Variants in OR1L8 observed in about 807,000 individuals in gnomAD.
The protein encoded by OR1L8 is olfactory receptor 1L8.
For synonymous variants in OR1L8, 148 were observed against 147.0 expected (o/e 1.01, Z -0.05); for missense variants, 330 against 377.4 (o/e 0.87, Z 1.04).
At chr9:122,581,344 G>T (rs534443142) in intron 1 of OR1L8, among the ~76,000 whole-genome samples, 6 of 151,458 alleles carry the variant, frequency 4.0e-5, no homozygotes, top group African/African-American at 1.5e-4. Context: ...CCAGCCTGGC[G>T]ACAGAGCAAG....
intron 3 of OR1L8, 99 bp downstream of exon 3, chr9:122,576,666 TG>T (rs1829662990): frequency 6.6e-6 from 1 of 152,222 alleles, no homozygotes; most frequent in Admixed American, 6.6e-5. Flanking sequence ...CAACAGTGTG[TG>T]GGCCTTTCTA....
In OR1L8 at chr9:122,568,011, T is replaced by C; in HGVS notation, c.467A>G (p.His156Arg). The C allele has an allele frequency of 6.2e-7, 1 of 1,612,792 alleles. No homozygotes were observed. Reference protein sequence around the residue: ...VAFSCSFPHLHSLLHTLLLNR... With the variant: ...VAFSCSFPHLRSLLHTLLLNR... ...CAGCAGAAGTGTGTGCAGGAGTGAG[T>C]GGAGGTGAGGAAATGAGCAGGAGAA... The change falls in exon 5 of 5, where the codon CAC becomes CGC. Residue 156 changes from histidine to arginine, a missense_variant. His to Arg is a conservative substitution (Grantham distance 29). Coordinates refer to ENST00000641027, the MANE Select transcript of OR1L8 (RefSeq NM_001004454.2).
chr9:122,558,331 T>C, the OR1L8 span, among the ~76,000 whole-genome samples: 1 of 143,272 alleles, frequency 7.0e-6, no homozygotes, highest in Non-Finnish European at 1.5e-5. Context: ...TTTTTTTTTT[T>C]TTTTTTTGCA....
chr9:122,553,639 T>C, the OR1L8 span: 3 of 1,614,042 alleles, frequency 1.9e-6, no homozygotes, highest in Non-Finnish European at 2.5e-6. Flanking sequence ...AGTCCCCAGC[T>C]CTGTGCACTA....
At chr9:122,578,278 G>C (rs534056810) in intron 2 of OR1L8, 46 bp downstream of exon 2, 1 of 151,916 alleles carries the variant, frequency 6.6e-6, no homozygotes, top group African/African-American at 2.4e-5. Context: ...GTGAAACCCC[G>C]TGTCTACTAA....
the OR1L8 span, chr9:122,553,875 G>A: frequency 3.7e-6 from 6 of 1,613,908 alleles, no homozygotes; most frequent in African/African-American, 2.7e-5. Flanking sequence ...CTTCTCCTAT[G>A]TCCGCATTTT....
intron 4 of OR1L8, among the ~76,000 whole-genome samples, chr9:122,569,141 C>A (rs1308124875): frequency 6.6e-6 from 1 of 151,614 alleles, no homozygotes; most frequent in Non-Finnish European, 1.5e-5. Flanking sequence ...ATTTTTTTTT[C>A]TGCTCTGCTC....
At chr9:122,582,831 A>G (rs1411268) in intron 1 of OR1L8, among the ~76,000 whole-genome samples, 55,189 of 151,956 alleles carry the variant, frequency 0.36, 10,252 homozygotes, top group South Asian at 0.51. Context: ...AAAAATAATC[A>G]GGAGTACATA....
chr9:122,579,449 T>G (rs527333267), intron 1 of OR1L8, among the ~76,000 whole-genome samples: 19 of 152,268 alleles, frequency 1.2e-4, no homozygotes, highest in Non-Finnish European at 2.1e-4. Flanking sequence ...TAAGAGAGAA[T>G]TGAAGTCATT....
intron 1 of OR1L8, among the ~76,000 whole-genome samples, chr9:122,581,912 AAAAT>A (rs544952192): frequency 1.3e-5 from 2 of 152,070 alleles, no homozygotes; most frequent in African/African-American, 4.8e-5. Flanking sequence ...ACTCCATCTC[AAAAT>A]AAATAAATAA....
chr9:122,562,997 CTT>C (rs930058831), downstream of OR1L8, among the ~76,000 whole-genome samples: 3 of 152,150 alleles, frequency 2.0e-5, no homozygotes, highest in African/African-American at 7.2e-5. Context: ...GCAGATGACT[CTT>C]TGACGTACTT....
At chr9:122,563,894 C>T (rs1488336215), downstream of OR1L8, among the ~76,000 whole-genome samples, 1 of 152,212 alleles carries the variant, frequency 6.6e-6, no homozygotes, top group Non-Finnish European at 1.5e-5. Context: ...GTATTCTTCA[C>T]ACCTTTGTCA....
chr9:122,576,071 C>A (rs929434521), intron 3 of OR1L8, among the ~76,000 whole-genome samples: 3 of 152,250 alleles, frequency 2.0e-5, no homozygotes, highest in Non-Finnish European at 1.5e-5. Context: ...AGATCTACTT[C>A]TTTAAGTCTT....
At chr9:122,556,986 G>A in the OR1L8 span, among the ~76,000 whole-genome samples, 1 of 152,040 alleles carries the variant, frequency 6.6e-6, no homozygotes. Context: ...CTAACAAATT[G>A]GGGGCTGCTA....
the OR1L8 span, among the ~76,000 whole-genome samples, chr9:122,559,776 C>T: frequency 6.6e-6 from 1 of 152,120 alleles, no homozygotes; most frequent in South Asian, 2.1e-4. Context: ...TGCCATGTGG[C>T]ACTGAGAAGA....
chr9:122,562,919 A>C (rs1829375203), downstream of OR1L8, among the ~76,000 whole-genome samples: 1 of 152,166 alleles, frequency 6.6e-6, no homozygotes, highest in South Asian at 2.1e-4. Context: ...CCGTGTATCC[A>C]CTGATGGACA....
chr9:122,571,631 G>A (rs1023319719), intron 4 of OR1L8, among the ~76,000 whole-genome samples: 72 of 151,310 alleles, frequency 4.8e-4, no homozygotes, highest in African/African-American at 1.7e-3. Context: ...CAGAAGAATC[G>A]CTTGAACCCG....
chr9:122,579,239 T>G (rs1215692697), intron 1 of OR1L8, among the ~76,000 whole-genome samples: 2 of 151,886 alleles, frequency 1.3e-5, no homozygotes, highest in Non-Finnish European at 2.9e-5. Flanking sequence ...AATAATAATC[T>G]TAATAATTAT....
the OR1L8 span, among the ~76,000 whole-genome samples, chr9:122,547,570 C>T: frequency 6.6e-6 from 1 of 151,548 alleles, no homozygotes; most frequent in South Asian, 2.1e-4. Context: ...GTCTATTATT[C>T]CACTTCTATG....
Sources: gnomAD v4.1 joint callset for allele counts (sites outside exome capture counted in the v4.1 genomes callset) on GRCh38, gnomAD v4.1.1 for gene constraint, MANE v1.5 for transcripts, NCBI Gene and HGNC (gene_info 2026-07-23, HGNC 2026-07-21) for gene names.